C19orf18: variants seen among roughly 807,000 people sequenced by gnomAD.
C19orf18 encodes the protein uncharacterized protein C19orf18.
C19orf18 carries 21 observed loss-of-function variants against 23.3 expected under a neutral mutation model. That is an observed-to-expected ratio of 0.90 (90% CI 0.64 to 1.30). C19orf18 has a LOEUF of 1.30. Among genes scored for constraint, C19orf18 ranks in the 50% most tolerant of loss-of-function variants. The pLI is 0.00. For missense variants in C19orf18, 249 were observed against 259.6 expected (o/e 0.96, Z 0.28); for synonymous variants, 96 against 95.2 (o/e 1.01, Z -0.05).
chr19:57,961,250 G>T, intron 5 of C19orf18, 141 bp downstream of exon 5: 1 of 972,778 alleles, frequency 1.0e-6, no homozygotes, highest in Non-Finnish European at 1.5e-6. Flanking sequence ...AAAAATGAAA[G>T]AAAGAAAGGA....
chr19:57,974,041 A>G lies in C19orf18; in HGVS notation c.226+58T>C, dbSNP rs10402231. On this transcript the variant is annotated intron_variant, in intron 2 of 5. Coordinates refer to ENST00000314391, the MANE Select transcript of C19orf18 (RefSeq NM_152474.5). Reference sequence around the variant, plus strand: ...CACACAGTACACATTCACATGGCAGATAAGAGGACTCCAGGCTACGATTCT... The same window carrying G: ...CACACAGTACACATTCACATGGCAGGTAAGAGGACTCCAGGCTACGATTCT... The G allele has an allele frequency of 8.3e-3, 12,708 of 1,526,156 alleles. 848 individuals carry two copies. The African/African-American group carries it at 0.15, about 18-fold the overall frequency. 94.5% of individuals were successfully genotyped at this position (1,526,156 alleles called of 1,614,324 possible).
intron 3 of C19orf18, among the ~76,000 whole-genome samples, chr19:57,967,507 C>A (rs1281650031): frequency 6.6e-6 from 1 of 152,022 alleles, no homozygotes; most frequent in Admixed American, 6.6e-5. Context: ...AATCCCAGCA[C>A]TTTGGGAGGC....
At chr19:57,965,117 T>TTTCATTTA (rs1555787180) in intron 4 of C19orf18, among the ~76,000 whole-genome samples, 2 of 145,938 alleles carry the variant, frequency 1.4e-5, no homozygotes, top group Admixed American at 6.9e-5. Context: ...GTTCTTTTTA[T>TTTCATTTA]TTTATTTATT....
At chr19:57,970,343 T>C (rs1297804506) in intron 3 of C19orf18, among the ~76,000 whole-genome samples, 2 of 152,228 alleles carry the variant, frequency 1.3e-5, no homozygotes, top group South Asian at 2.1e-4. Context: ...ACTCGTCTCA[T>C]ATGGAAAATG....
chr19:57,961,935 C>T (rs1025022669), intron 4 of C19orf18, among the ~76,000 whole-genome samples: 1 of 149,258 alleles, frequency 6.7e-6, no homozygotes, highest in Non-Finnish European at 1.5e-5. Flanking sequence ...TTTCCTTCCT[C>T]CCTCCCTTCT....
At chr19:57,962,377 A>C (rs2072879647) in intron 4 of C19orf18, among the ~76,000 whole-genome samples, 1 of 152,126 alleles carries the variant, frequency 6.6e-6, no homozygotes, top group South Asian at 2.1e-4. Context: ...AATAAAAATT[A>C]ATGTCAAGAA....
intron 5 of C19orf18, 34 bp from the exon 6 acceptor site, chr19:57,958,751 A>G: frequency 1.6e-6 from 2 of 1,232,602 alleles, no homozygotes; most frequent in South Asian, 1.4e-5. Flanking sequence ...TGAGATAGTA[A>G]TAAGTGAGGA....
intron 5 of C19orf18, among the ~76,000 whole-genome samples, chr19:57,959,648 G>A (rs534359501): frequency 1.3e-5 from 2 of 151,214 alleles, no homozygotes; most frequent in East Asian, 2.0e-4. Context: ...AAACAAAAAT[G>A]AGCCCGGCAT....
chr19:57,969,358 C>A (rs1484510581), intron 3 of C19orf18, among the ~76,000 whole-genome samples: 1 of 150,936 alleles, frequency 6.6e-6, no homozygotes, highest in Non-Finnish European at 1.5e-5. Context: ...AGTTCAAGAC[C>A]AGCCTGGCCA....
At chr19:57,972,617 T>G (rs548083353) in intron 2 of C19orf18, 113 bp from the exon 3 acceptor site, 4 of 1,147,434 alleles carry the variant, frequency 3.5e-6, no homozygotes, top group Non-Finnish European at 5.1e-6. Flanking sequence ...ACACACAGCT[T>G]CCAAATATCT....
At chr19:57,959,114 G>A (rs2072848004) in intron 5 of C19orf18, among the ~76,000 whole-genome samples, 1 of 152,168 alleles carries the variant, frequency 6.6e-6, no homozygotes, top group Non-Finnish European at 1.5e-5. Flanking sequence ...GTCCATGTGA[G>A]GATGGTTAGT....
chr19:57,973,228 T>C (rs1310395346), intron 2 of C19orf18, among the ~76,000 whole-genome samples: 1 of 142,684 alleles, frequency 7.0e-6, no homozygotes, highest in Non-Finnish European at 1.5e-5. Context: ...CCAACAATAG[T>C]GTCCTTTCCT....
intron 4 of C19orf18, among the ~76,000 whole-genome samples, chr19:57,965,332 A>G (rs2072901195): frequency 6.6e-6 from 1 of 151,896 alleles, no homozygotes; most frequent in Admixed American, 6.6e-5. Flanking sequence ...ACGGGGTTTC[A>G]CTATATTGGC....
chr19:57,967,582 A>C (rs769268343), intron 3 of C19orf18, among the ~76,000 whole-genome samples: 9 of 151,922 alleles, frequency 5.9e-5, no homozygotes, highest in Non-Finnish European at 1.2e-4. Context: ...GTGAAACCCC[A>C]ACTCTACAAA....
intron 3 of C19orf18, among the ~76,000 whole-genome samples, chr19:57,970,555 A>C (rs2072937527): frequency 6.6e-6 from 1 of 152,142 alleles, no homozygotes; most frequent in Non-Finnish European, 1.5e-5. Flanking sequence ...CACAATTCTT[A>C]CTATGAGTAA....
intron 3 of C19orf18, among the ~76,000 whole-genome samples, chr19:57,969,305 C>T (rs1303416933): frequency 6.6e-6 from 1 of 152,038 alleles, no homozygotes; most frequent in Non-Finnish European, 1.5e-5. Context: ...GCCTGTAGTC[C>T]CAGCACTTTG....
chr19:57,966,483 G>T, intron 4 of C19orf18, 47 bp downstream of exon 4: 1 of 1,185,970 alleles, frequency 8.4e-7, no homozygotes, highest in Non-Finnish European at 1.2e-6. Context: ...CAGTTGACTT[G>T]TTATGTCTCA....
At chr19:57,967,308 G>T (rs547027147) in intron 3 of C19orf18, among the ~76,000 whole-genome samples, 1 of 152,298 alleles carries the variant, frequency 6.6e-6, no homozygotes, top group Non-Finnish European at 1.5e-5. Flanking sequence ...GCTCCTGGAG[G>T]AGTCTAAGGG....
At chr19:57,967,161 G>A (rs1333519259) in intron 3 of C19orf18, among the ~76,000 whole-genome samples, 1 of 152,036 alleles carries the variant, frequency 6.6e-6, no homozygotes, top group Non-Finnish European at 1.5e-5. Context: ...GACCTGGGCA[G>A]AGGCCATATT....
Sources: allele counts gnomAD v4.1 joint callset (sites outside exome capture counted in the v4.1 genomes callset), GRCh38; gene constraint gnomAD v4.1.1; transcripts MANE v1.5; gene names NCBI Gene and HGNC (gene_info 2026-07-23, HGNC 2026-07-21).